CARMIL1: variants seen among roughly 807,000 people sequenced by gnomAD.
CARMIL1 encodes F-actin-uncapping protein LRRC16A.
Under a neutral mutation model 177.1 loss-of-function variants are expected in CARMIL1, and 90 were observed. That is an observed-to-expected ratio of 0.51 (90% CI 0.43 to 0.61). The LOEUF (loss-of-function observed/expected upper bound fraction) is 0.61. Among genes scored for constraint, CARMIL1 ranks in the 20% least tolerant of loss-of-function variants. The pLI is 0.00. For missense variants in CARMIL1, 1,380 were observed against 1,667.0 expected, an observed-to-expected ratio of 0.83 and a Z score of 3.00; for synonymous variants, 577 against 606.2, an observed-to-expected ratio of 0.95 and a Z score of 0.71.
chr6:25,338,269 A>G (rs1268955885), intron 2 of CARMIL1, among the ~76,000 whole-genome samples: 2 of 147,120 alleles, frequency 1.4e-5, no homozygotes, highest in African/African-American at 5.0e-5. Flanking sequence ...AAAAAAAAAA[A>G]TAAAATAAAA....
intron 26 of CARMIL1, among the ~76,000 whole-genome samples, chr6:25,540,730 A>C (rs1808815458): frequency 6.6e-6 from 1 of 152,212 alleles, no homozygotes; most frequent in African/African-American, 2.4e-5. Context: ...TCTGCCTATC[A>C]AGGTAGCCTT....
intron 5 of CARMIL1, among the ~76,000 whole-genome samples, chr6:25,442,016 T>C (rs1057304197): frequency 1.3e-5 from 2 of 152,062 alleles, no homozygotes; most frequent in Non-Finnish European, 2.9e-5. Flanking sequence ...AGGTGGTTGC[T>C]GTGTTTTGGT....
In CARMIL1 at chr6:25,604,872, C is replaced by T. The variant is rs375963497; in HGVS notation, c.3613C>T (p.Arg1205Trp). Reference sequence around the variant, plus strand: ...CAGCCCAGCTTTGAGCGGCGTAGAACGGTCGGATGGAGGTGGGGCAGGTAA... The same window carrying T: ...CAGCCCAGCTTTGAGCGGCGTAGAATGGTCGGATGGAGGTGGGGCAGGTAA... ...SSSPALSGVE[R>W]SDGGGAVPKL... Residue 1205 changes from arginine (R) to tryptophan (W), a missense_variant, in exon 34 of 37, where the codon CGG (arginine) becomes TGG (tryptophan). Physicochemically the swap from Arg to Trp is moderately radical, Grantham distance 101. Transcript: ENST00000329474. 49 of 1,595,960 alleles carry T rather than the reference C, an allele frequency of 3.1e-5. No homozygotes were observed. Among genetic ancestry groups the T allele is most frequent in the Middle Eastern group, 1.6e-4 (1 of 6,068 alleles).
chr6:25,303,125 C>CTT (rs57430643), intron 2 of CARMIL1, among the ~76,000 whole-genome samples: 13 of 144,206 alleles, frequency 9.0e-5, no homozygotes, highest in East Asian at 7.9e-4. Flanking sequence ...TAGGCATCTC[C>CTT]TTTTTTTTTT....
chr6:25,573,853 T>C (rs1005765969), intron 29 of CARMIL1, among the ~76,000 whole-genome samples: 3 of 152,138 alleles, frequency 2.0e-5, no homozygotes, highest in African/African-American at 7.2e-5. Flanking sequence ...GTGAGGTTCA[T>C]GATAAAGAAC....
At chr6:25,440,903 G>A (rs935817962) in intron 5 of CARMIL1, among the ~76,000 whole-genome samples, 1 of 151,968 alleles carries the variant, frequency 6.6e-6, no homozygotes, top group Non-Finnish European at 1.5e-5. Context: ...CTGATGAACA[G>A]AAAAGGGTCT....
At chr6:25,614,783 A>G (rs2151346414) in intron 36 of CARMIL1, among the ~76,000 whole-genome samples, 1 of 152,356 alleles carries the variant, frequency 6.6e-6, no homozygotes, top group African/African-American at 2.4e-5. Flanking sequence ...GTGCCTATTG[A>G]TCATCCAATG....
At chr6:25,362,967 G>A (rs971262706) in intron 2 of CARMIL1, among the ~76,000 whole-genome samples, 6 of 152,100 alleles carry the variant, frequency 3.9e-5, no homozygotes, top group African/African-American at 1.4e-4. Context: ...CCTGGGAGGC[G>A]GAGGTTGCAG....
At chr6:25,377,583 C>T (rs1791117520) in intron 2 of CARMIL1, among the ~76,000 whole-genome samples, 1 of 152,126 alleles carries the variant, frequency 6.6e-6, no homozygotes, top group Admixed American at 6.5e-5. Context: ...GGTACCAGCA[C>T]CAGTTCTGAT....
chr6:25,545,050 A>G (rs1210176681), intron 26 of CARMIL1, among the ~76,000 whole-genome samples: 2 of 152,188 alleles, frequency 1.3e-5, no homozygotes, highest in Non-Finnish European at 2.9e-5. Context: ...TGCCTCCCTT[A>G]TTGGACAGCT....
chr6:25,301,391 A>G (rs752324992), intron 2 of CARMIL1, among the ~76,000 whole-genome samples: 21 of 152,292 alleles, frequency 1.4e-4, no homozygotes, highest in Non-Finnish European at 2.5e-4. Flanking sequence ...AGTTGAGTCA[A>G]TGTACTTAAA....
chr6:25,544,056 C>T (rs1388762947), intron 26 of CARMIL1, among the ~76,000 whole-genome samples: 1 of 152,020 alleles, frequency 6.6e-6, no homozygotes, highest in African/African-American at 2.4e-5. Context: ...TGCAAGTTGT[C>T]TGAAGGTAGT....
intron 29 of CARMIL1, among the ~76,000 whole-genome samples, chr6:25,575,391 A>T (rs1812490415): frequency 6.6e-6 from 1 of 152,234 alleles, no homozygotes; most frequent in Non-Finnish European, 1.5e-5. Context: ...GTTCCTCACC[A>T]TCACTTATAA....
At chr6:25,490,427 G>A (rs1314078226) in intron 13 of CARMIL1, among the ~76,000 whole-genome samples, 1 of 152,166 alleles carries the variant, frequency 6.6e-6, no homozygotes, top group Non-Finnish European at 1.5e-5. Flanking sequence ...GCTGGGTGTA[G>A]TGGCTCACAC....
chr6:25,518,176 C>A (rs1351197742), intron 22 of CARMIL1, among the ~76,000 whole-genome samples: 1 of 152,076 alleles, frequency 6.6e-6, no homozygotes, highest in Non-Finnish European at 1.5e-5. Context: ...TTGTGTTTTT[C>A]CAGATTCCTT....
At chr6:25,297,776 G>A (rs1782533460) in intron 2 of CARMIL1, among the ~76,000 whole-genome samples, 1 of 152,244 alleles carries the variant, frequency 6.6e-6, no homozygotes. Flanking sequence ...TATGCAGGAA[G>A]GCTTCATGCT....
At chr6:25,429,392 G>GCGT (rs3034206) in intron 4 of CARMIL1, among the ~76,000 whole-genome samples, 15,100 of 152,078 alleles carry the variant, frequency 0.099, 1,133 homozygotes, top group East Asian at 0.3. Flanking sequence ...TCTGACCCAG[G>GCGT]CGTCTCCTGT....
intron 2 of CARMIL1, among the ~76,000 whole-genome samples, chr6:25,317,562 C>CTTTTTTTTT (rs33992407): frequency 9.3e-6 from 1 of 107,132 alleles, no homozygotes; most frequent in African/African-American, 3.9e-5. Flanking sequence ...TTACTTAGGA[C>CTTTTTTTTT]TTTTTTTTTT....
intron 11 of CARMIL1, among the ~76,000 whole-genome samples, chr6:25,478,452 A>G (rs1801783100): frequency 1.3e-5 from 2 of 152,234 alleles, no homozygotes; most frequent in Admixed American, 1.3e-4. Flanking sequence ...TAAGGATTAA[A>G]TGAAATAATT....
Sources: allele counts gnomAD v4.1 joint callset (sites outside exome capture counted in the v4.1 genomes callset), GRCh38; gene constraint gnomAD v4.1.1; transcripts MANE v1.5; gene names NCBI Gene and HGNC (gene_info 2026-07-23, HGNC 2026-07-21).